DDAH1: variants seen among roughly 807,000 people sequenced by gnomAD.
DDAH1 encodes dimethylarginine dimethylaminohydrolase 1, also known as N(G),N(G)-dimethylarginine dimethylaminohydrolase 1.
DDAH1 carries 19 observed loss-of-function variants against 28.8 expected under a neutral mutation model. The observed-to-expected ratio is 0.66, with a 90% CI of 0.46 to 0.97. The LOEUF is 0.97. DDAH1 is among the 50% of genes least tolerant of loss of function. DDAH1 has a pLI of 0.00. For synonymous variants in DDAH1, 153 were observed against 154.4 expected (o/e 0.99, Z 0.07); for missense variants, 326 against 375.9 (o/e 0.87, Z 1.10).
chr1:85,329,299 C>T lies in DDAH1; in HGVS notation c.598-4416G>A, dbSNP rs367854534. ...GTGACAGGGCCTGTCCAGTTGACTTCAGCTGTTTCCATGCTCTGCCCTATC... is the reference window on the plus strand; with the variant it reads ...GTGACAGGGCCTGTCCAGTTGACTTTAGCTGTTTCCATGCTCTGCCCTATC... On this transcript the variant is annotated intron_variant, in intron 4 of 5. Transcript: ENST00000284031. 3.9e-5 allele frequency among the ~76,000 whole-genome samples: 6 copies of T among 152,232 alleles called. No individual in the cohort carries two copies. The South Asian group carries it at 1.2e-3, about 31-fold the overall frequency.
intron 2 of DDAH1, among the ~76,000 whole-genome samples, chr1:85,355,340 A>G (rs1049731372): frequency 6.6e-6 from 1 of 152,180 alleles, no homozygotes; most frequent in African/African-American, 2.4e-5. Context: ...AAGAGGAAAT[A>G]TTCCCTAATA....
At chr1:85,527,377 A>G (rs1192132345) in intron 1 of DDAH1, among the ~76,000 whole-genome samples, 7 of 152,198 alleles carry the variant, frequency 4.6e-5, no homozygotes, top group Non-Finnish European at 8.8e-5. Flanking sequence ...CTAAGAAACC[A>G]ACCTTTTCAG....
intron 1 of DDAH1, among the ~76,000 whole-genome samples, chr1:85,370,763 A>G (rs910983501): frequency 2.0e-5 from 3 of 152,110 alleles, no homozygotes; most frequent in Non-Finnish European, 2.9e-5. Context: ...GTCTTGAGCA[A>G]TTGAGTGGAT....
intron 2 of DDAH1, among the ~76,000 whole-genome samples, chr1:85,355,193 C>A (rs977442045): frequency 6.6e-6 from 1 of 152,058 alleles, no homozygotes; most frequent in African/African-American, 2.4e-5. Flanking sequence ...AAAACTGACT[C>A]AGGAAAATCT....
intron 1 of DDAH1, among the ~76,000 whole-genome samples, chr1:85,435,863 T>G (rs1426756875): frequency 6.6e-6 from 1 of 152,200 alleles, no homozygotes; most frequent in African/African-American, 2.4e-5. Flanking sequence ...CAATCTCATC[T>G]CACTGCAACC....
intron 2 of DDAH1, 33 bp from the exon 3 acceptor site, chr1:85,351,612 G>A (rs2076699): frequency 0.19 from 289,508 of 1,512,096 alleles, 28,450 homozygotes; most frequent in Admixed American, 0.21. Flanking sequence ...TAGTGAGCAG[G>A]TGGCACCAGT....
At chr1:85,452,842 C>G (rs1014143319) in intron 1 of DDAH1, among the ~76,000 whole-genome samples, 7 of 152,170 alleles carry the variant, frequency 4.6e-5, no homozygotes, top group Non-Finnish European at 5.9e-5. Context: ...AGCAAACCAA[C>G]AACAACAAAA....
chr1:85,351,255 A>AT (rs1486359767), intron 3 of DDAH1, among the ~76,000 whole-genome samples: 1 of 152,026 alleles, frequency 6.6e-6, no homozygotes, highest in Non-Finnish European at 1.5e-5. Flanking sequence ...TGGTTGTATA[A>AT]TTATACACTG....
chr1:85,533,922 G>A (rs1422505668), intron 1 of DDAH1, among the ~76,000 whole-genome samples: 1 of 152,320 alleles, frequency 6.6e-6, no homozygotes, highest in South Asian at 2.1e-4. Flanking sequence ...TTTGGATGGC[G>A]GTGGAGAAGG....
At chr1:85,437,999 A>G (rs1466080373) in intron 1 of DDAH1, among the ~76,000 whole-genome samples, 1 of 152,228 alleles carries the variant, frequency 6.6e-6, no homozygotes, top group African/African-American at 2.4e-5. Context: ...ATGCAGCCAT[A>G]AAAAAGAATG....
intron 1 of DDAH1, among the ~76,000 whole-genome samples, chr1:85,551,749 A>G (rs1467719709): frequency 6.6e-6 from 1 of 152,222 alleles, no homozygotes; most frequent in African/African-American, 2.4e-5. Flanking sequence ...GCAGTAGCCT[A>G]TGCATCGTGC....
chr1:85,363,527 T>C (rs1397036816), intron 1 of DDAH1, among the ~76,000 whole-genome samples: 1 of 152,236 alleles, frequency 6.6e-6, no homozygotes, highest in Admixed American at 6.5e-5. Flanking sequence ...AGTAGCAACA[T>C]AGCTTTGTTG....
At chr1:85,412,635 G>A (rs1394956014) in intron 1 of DDAH1, among the ~76,000 whole-genome samples, 2 of 152,124 alleles carry the variant, frequency 1.3e-5, no homozygotes, top group African/African-American at 4.8e-5. Flanking sequence ...CCTCATCCTT[G>A]GAAAAGCATC....
intron 1 of DDAH1, chr1:85,404,404 C>G: frequency 1.3e-6 from 2 of 1,534,894 alleles, no homozygotes; most frequent in East Asian, 4.9e-5. Flanking sequence ...CATCAAATTG[C>G]CATCCAGAAC....
chr1:85,454,381 C>A (rs1654793184), intron 1 of DDAH1, among the ~76,000 whole-genome samples: 1 of 152,060 alleles, frequency 6.6e-6, no homozygotes, highest in South Asian at 2.1e-4. Context: ...GAAACCATCA[C>A]CGTAAGGAGT....
chr1:85,342,042 T>C (rs1354991660), intron 4 of DDAH1, among the ~76,000 whole-genome samples: 2 of 152,132 alleles, frequency 1.3e-5, no homozygotes. Flanking sequence ...TGTTATAAAA[T>C]TTCCAATGGG....
intron 1 of DDAH1, among the ~76,000 whole-genome samples, chr1:85,375,964 T>G (rs1650643315): frequency 6.6e-6 from 1 of 152,154 alleles, no homozygotes; most frequent in African/African-American, 2.4e-5. Flanking sequence ...AAGCATGGAA[T>G]GGCAAGGCCC....
At chr1:85,325,868 T>G (rs1283077185) in intron 4 of DDAH1, among the ~76,000 whole-genome samples, 1 of 152,236 alleles carries the variant, frequency 6.6e-6, no homozygotes, top group East Asian at 1.9e-4. Flanking sequence ...CTTTCTACTC[T>G]TTATCAATAT....
intron 1 of DDAH1, among the ~76,000 whole-genome samples, chr1:85,568,360 A>C (rs540212269): frequency 1.3e-5 from 2 of 152,330 alleles, no homozygotes; most frequent in South Asian, 4.1e-4. Flanking sequence ...ACAATATCCC[A>C]AAATGCCACT....
Sources: gnomAD v4.1 joint callset for allele counts (sites outside exome capture counted in the v4.1 genomes callset) on GRCh38, gnomAD v4.1.1 for gene constraint, MANE v1.5 for transcripts, NCBI Gene and HGNC (gene_info 2026-07-23, HGNC 2026-07-21) for gene names.